The following LCN12 variants were observed in gnomAD, a reference collection of about 807,000 sequenced individuals.
LCN12 encodes lipocalin 12, also known as epididymal-specific lipocalin-12.
Under a neutral mutation model 23.7 loss-of-function variants are expected in LCN12, and 15 were observed. The observed-to-expected ratio is 0.63, with a 90% confidence interval of 0.42 to 0.97. The LOEUF (loss-of-function observed/expected upper bound fraction) is 0.97. Ranked by LOEUF, LCN12 falls within the 50% of genes least tolerant of loss-of-function variation. The probability of loss-of-function intolerance (pLI) is 0.00; values close to 1 mark genes in which losing one functional copy is unlikely to be tolerated. For synonymous variants in LCN12, 116 were observed against 111.5 expected, an observed-to-expected ratio of 1.04 and a Z score of -0.25; for missense variants, 219 against 249.6, an observed-to-expected ratio of 0.88 and a Z score of 0.83.
chr9:136,949,846 G>A (rs1307944456), upstream of LCN12, among the ~76,000 whole-genome samples: 1 of 152,148 alleles, frequency 6.6e-6, no homozygotes, highest in African/African-American at 2.4e-5. Flanking sequence ...GGAAGCGGCG[G>A]TTTCCCTCCC....
At position 136,955,464 on chromosome 9, in the gene LCN12, GC is replaced by G; in HGVS notation, c.*66del. 2.6e-6 allele frequency: 4 copies of G among 1,519,902 alleles called. No individual in the cohort carries two copies. The highest frequency in any genetic ancestry group is 3.6e-6 in the Non-Finnish European group (4 of 1,098,268). The allele number at this position is 1,519,902 out of a possible 1,614,324, so 94.2% of individuals were successfully genotyped here. A position where few individuals can be genotyped will look rare whatever the true frequency, so the allele number is the denominator to read the frequency against. On this transcript the variant is annotated 3_prime_UTR_variant, in exon 6 of 6. Coordinates refer to ENST00000371633, the MANE Select transcript of LCN12 (RefSeq NM_178536.4). Reference sequence around the variant, plus strand: ...AGCTGTGCGAGCTCTGCCCTCCTCAGCTCTCAAACCTGAATAAATGCACCAA... The same window carrying G: ...AGCTGTGCGAGCTCTGCCCTCCTCAGTCTCAAACCTGAATAAATGCACCAA...
chr9:136,955,279 C>G (rs1372083937), intron 5 of LCN12, 92 bp from the exon 6 acceptor site: 1 of 1,542,938 alleles, frequency 6.5e-7, no homozygotes, highest in Non-Finnish European at 8.8e-7. Flanking sequence ...CTGAAGCCAC[C>G]TGCCCCTCCT....
chr9:136,954,525 G>A (rs1274345657), intron 5 of LCN12: 3 of 480,092 alleles, frequency 6.2e-6, no homozygotes, highest in South Asian at 1.9e-5. Flanking sequence ...CCCCTGTCCC[G>A]GGCCACCTCC....
rs2131378394 is a variant in LCN12 at position 136,954,147 on chromosome 9, G to A, written c.449-7G>A. ...CACAGACCCATGCTGGGCTCCCTGG[G>A]CTGCAGGCAGGAGCTGGTTGCTGCC... On this transcript the variant is annotated splice_polypyrimidine_tract_variant and splice_region_variant and intron_variant, in intron 4 of 5. Transcript: ENST00000371633. 1 of 1,545,880 alleles carries A rather than the reference G, an allele frequency of 6.5e-7. No homozygotes were observed. Among genetic ancestry groups the A allele is most frequent in the Non-Finnish European group, 8.7e-7 (1 of 1,143,830 alleles).
At chr9:136,954,384 T>C (rs1851261781) in intron 5 of LCN12, 129 bp downstream of exon 5, 1 of 1,061,448 alleles carries the variant, frequency 9.4e-7, no homozygotes, top group Non-Finnish European at 1.4e-6. Context: ...CGCTCAGGGG[T>C]CTCCAGGCTC....
upstream of LCN12, among the ~76,000 whole-genome samples, chr9:136,950,786 G>A (rs370335882): frequency 2.0e-3 from 300 of 152,342 alleles, 1 homozygote; most frequent in Middle Eastern, 0.014. Flanking sequence ...GGCACAGCAA[G>A]CTGCCCTTCT....
intron 5 of LCN12, chr9:136,954,703 A>G (rs779189117): frequency 1.6e-6 from 2 of 1,290,132 alleles, no homozygotes; most frequent in East Asian, 5.5e-5. Context: ...CCTGCTCACA[A>G]GGAGCTTGGA....
chr9:136,954,084 A>G (rs184294477), intron 4 of LCN12, 70 bp from the exon 5 acceptor site: 2 of 1,517,386 alleles, frequency 1.3e-6, no homozygotes, highest in African/African-American at 1.4e-5. Context: ...AGATAGTTCA[A>G]TCTCCCACCT....
intron 2 of LCN12, 152 bp downstream of exon 2, chr9:136,953,180 A>C: frequency 9.1e-7 from 1 of 1,100,716 alleles, no homozygotes; most frequent in South Asian, 1.5e-5. Context: ...TGGGGAGTAT[A>C]CAAAAAAGTG....
At chr9:136,952,178 C>T (rs1402239561), upstream of LCN12, 13 of 656,666 alleles carry the variant, frequency 2.0e-5, no homozygotes, top group Non-Finnish European at 3.3e-5. Context: ...TGGGCACCAC[C>T]TCTCCTGCCA....
downstream of LCN12, among the ~76,000 whole-genome samples, chr9:136,955,699 G>T (rs1851306916): frequency 6.6e-6 from 1 of 152,246 alleles, no homozygotes; most frequent in South Asian, 2.1e-4. Context: ...ATGGTTGCAG[G>T]TTGTACAAGG....
At position 136,953,925 on chromosome 9, in the gene LCN12, C is replaced by T; in HGVS notation, c.409C>T (p.His137Tyr). ...GTTCGCCCTGATGCTGTCCCGCAGACACACGAGCAGGCTGGCCGTCCTCAG... is the reference window on the plus strand; with the variant it reads ...GTTCGCCCTGATGCTGTCCCGCAGATACACGAGCAGGCTGGCCGTCCTCAG... The part of the protein sequence containing the change: ...TQFALMLSRR[H>Y]TSRLAVLRIS... The change falls in exon 4 of 6, where the codon CAC becomes TAC. Residue 137 changes from histidine to tyrosine, a missense_variant. Physicochemically the swap from His to Tyr is moderately conservative, Grantham distance 83. Transcript: ENST00000371633. 6.2e-7 allele frequency: 1 copy of T among 1,611,710 alleles called. No individual in the cohort carries two copies. Among genetic ancestry groups the T allele is most frequent in the South Asian group, 1.1e-5 (1 of 90,980 alleles).
At chr9:136,951,937 T>C (rs1358295432), upstream of LCN12, among the ~76,000 whole-genome samples, 1 of 152,204 alleles carries the variant, frequency 6.6e-6, no homozygotes, top group Non-Finnish European at 1.5e-5. Context: ...TCACGCTGTC[T>C]GCCTGGGACG....
chr9:136,955,556 C>T (rs933142209), downstream of LCN12: 181 of 707,962 alleles, frequency 2.6e-4, 1 homozygote, highest in Non-Finnish European at 1.9e-4. Context: ...GCAAGGCGAC[C>T]GCTGACCCTG....
At position 136,954,177 on chromosome 9, in the gene LCN12, G is replaced by A. The variant is rs371864644; in HGVS notation, c.472G>A (p.Gly158Arg). The change falls in exon 5 of 6, where the codon GGG (glycine) becomes AGG (arginine). Residue 158 changes from glycine (G) to arginine (R), a missense_variant. Physicochemically the swap from Gly to Arg is moderately radical, Grantham distance 125 (BLOSUM62 -2). Coordinates refer to ENST00000371633, the MANE Select transcript of LCN12 (RefSeq NM_178536.4). ...LLGRSWLLPPGTLDQFICLGR... is the reference protein window; with the variant it reads ...LLGRSWLLPPRTLDQFICLGR... ...AGGCAGGAGCTGGTTGCTGCCTCCC[G>A]GGACGCTGGACCAGTTCATCTGCCT... 48 of 1,567,406 alleles carry A rather than the reference G, an allele frequency of 3.1e-5. No homozygotes were observed. In the East Asian group the frequency reaches 4.2e-4, roughly 14 times the overall value.
chr9:136,954,188 C>CT lies in LCN12; in HGVS notation c.483_484insT (p.Gln162SerfsTer14). 6.4e-7 allele frequency: 1 copy of CT among 1,573,904 alleles called. No homozygotes were observed. The highest frequency in any genetic ancestry group is 8.6e-7 in the Non-Finnish European group (1 of 1,159,052). ...GGTTGCTGCCTCCCGGGACGCTGGA[C>CT]CAGTTCATCTGCCTGGGCAGAGCTC... On this transcript the variant is annotated frameshift_variant, in exon 5 of 6. Transcript: ENST00000371633. LOFTEE classifies it high-confidence loss of function.
chr9:136,951,417 C>G (rs921332092), upstream of LCN12: 2 of 152,272 alleles, frequency 1.3e-5, no homozygotes, highest in Non-Finnish European at 2.9e-5. Flanking sequence ...CCACCCCCAG[C>G]TAACTTTTAA....
intron 1 of LCN12, 94 bp from the exon 2 acceptor site, chr9:136,952,798 T>C (rs2131375287): frequency 4.9e-6 from 7 of 1,430,054 alleles, no homozygotes; most frequent in Non-Finnish European, 6.6e-6. Flanking sequence ...CTGTGAGGGG[T>C]CCAGAAGCTG....
At chr9:136,949,856 C>A (rs1419584736), upstream of LCN12, among the ~76,000 whole-genome samples, 3 of 152,162 alleles carry the variant, frequency 2.0e-5, no homozygotes, top group Non-Finnish European at 4.4e-5. Flanking sequence ...GTTTCCCTCC[C>A]GCCTCTCAAG....
Sources: allele counts gnomAD v4.1 joint callset (sites outside exome capture counted in the v4.1 genomes callset), GRCh38; gene constraint gnomAD v4.1.1; transcripts MANE v1.5; gene names NCBI Gene and HGNC (gene_info 2026-07-23, HGNC 2026-07-21).